PRDM16: variants seen among roughly 807,000 people sequenced by gnomAD.
PRDM16 encodes PR/SET domain 16.
Under a neutral mutation model 110.6 loss-of-function variants are expected in PRDM16, and 23 were observed. The observed-to-expected ratio is 0.21, with a 90% confidence interval of 0.15 to 0.29. The LOEUF (loss-of-function observed/expected upper bound fraction) is 0.29. Ranked by LOEUF, PRDM16 falls within the 10% of genes least tolerant of loss-of-function variation. PRDM16 has a pLI of 1.00. For synonymous variants in PRDM16, 799 were observed against 781.8 expected (o/e 1.02, Z -0.37); for missense variants, 1,615 against 1,794.3 (o/e 0.90, Z 1.81).
At chr1:3,357,569 G>C (rs1017321772) in intron 3 of PRDM16, among the ~76,000 whole-genome samples, 17 of 139,404 alleles carry the variant, frequency 1.2e-4, no homozygotes. Flanking sequence ...CCCCCCACGG[G>C]CCCCCAGCCA....
intron 8 of PRDM16, among the ~76,000 whole-genome samples, chr1:3,408,580 G>A (rs12097446): frequency 0.072 from 10,897 of 151,312 alleles, 467 homozygotes; most frequent in African/African-American, 0.12. Context: ...GTGTGAGAGC[G>A]TGTGAGTGTG....
chr1:3,132,316 C>G (rs192157915), intron 1 of PRDM16, among the ~76,000 whole-genome samples: 28 of 152,270 alleles, frequency 1.8e-4, no homozygotes, highest in Admixed American at 1.2e-3. Flanking sequence ...ATTCTGTGTC[C>G]GGTGAGCAGA....
At chr1:3,395,711 G>C (rs1643375588) in intron 4 of PRDM16, among the ~76,000 whole-genome samples, 3 of 152,022 alleles carry the variant, frequency 2.0e-5, no homozygotes, top group Admixed American at 1.3e-4. Context: ...TCTTCATCTC[G>C]ACCACCACTT....
chr1:3,412,881 C>G lies in PRDM16; in HGVS notation c.2603+81C>G, dbSNP rs1443327649. ...GGGCGGGCTCAGTGCATGGTGGTGT[C>G]TCTTTCAAGCTCCTCCAAGGTCGTC... On this transcript the variant is annotated intron_variant, in intron 9 of 16. Coordinates refer to ENST00000270722, the MANE Select transcript of PRDM16 (RefSeq NM_022114.4). The G allele has an allele frequency of 6.0e-5, 69 of 1,155,796 alleles. 1 individual carries two copies. The South Asian group carries it at 1.1e-3, about 19-fold the overall frequency. 71.6% of individuals were successfully genotyped at this position (1,155,796 alleles called of 1,614,324 possible). A position where few individuals can be genotyped will look rare whatever the true frequency, so the allele number is the denominator to read the frequency against.
At chr1:3,253,159 C>T (rs1038391738) in intron 3 of PRDM16, among the ~76,000 whole-genome samples, 3 of 152,038 alleles carry the variant, frequency 2.0e-5, no homozygotes, top group Non-Finnish European at 4.4e-5. Flanking sequence ...CACCAGGCCA[C>T]GTCGGAAAAT....
intron 10 of PRDM16, among the ~76,000 whole-genome samples, chr1:3,417,361 T>C (rs1638293868): frequency 6.6e-6 from 1 of 152,242 alleles, no homozygotes; most frequent in Non-Finnish European, 1.5e-5. Flanking sequence ...GTTGCTATTG[T>C]AATTTTTCAA....
chr1:3,171,593 G>A (rs1250698993), intron 1 of PRDM16, among the ~76,000 whole-genome samples: 2 of 152,218 alleles, frequency 1.3e-5, no homozygotes, highest in African/African-American at 4.8e-5. Flanking sequence ...ACAGCTGTGT[G>A]TATTGGGGGG....
rs184931615 is a variant in PRDM16, at chr1:3,255,179, C to T, written c.438+11042C>T. Among the ~76,000 whole-genome samples, 14 of 152,044 alleles carry T rather than the reference C, an allele frequency of 9.2e-5. No individual in the cohort carries two copies. Among genetic ancestry groups the T allele is most frequent in the Admixed American group, 8.5e-4 (13 of 15,262 alleles). On this transcript the variant is annotated intron_variant, in intron 3 of 16. Transcript: ENST00000270722. The surrounding 1 kb of genome is among the most constrained non-coding windows in gnomAD (Gnocchi z 4.7). The stretch of plus-strand genomic sequence containing the variant: ...ATTCAAGATGGATTAAAGACTTAAA[C>T]GTTAGACCTAAAACCATAAAAACCC...
At chr1:3,308,911 G>T (rs1037252924) in intron 3 of PRDM16, 1 of 152,206 alleles carries the variant, frequency 6.6e-6, no homozygotes, top group Non-Finnish European at 1.5e-5. Context: ...CCCGGCTATC[G>T]GGGCCCTGGT....
At chr1:3,405,023 G>C in intron 7 of PRDM16, 137 bp downstream of exon 7, 2 of 885,898 alleles carry the variant, frequency 2.3e-6, no homozygotes, top group South Asian at 3.5e-5. Context: ...CCCTGCGGTG[G>C]CTCGGGCCCT....
At chr1:3,087,227 C>T (rs2472823) in intron 1 of PRDM16, among the ~76,000 whole-genome samples, 2 of 143,904 alleles carry the variant, frequency 1.4e-5, no homozygotes, top group African/African-American at 5.4e-5. Context: ...CAGCCCCACC[C>T]GAGACCAGCC....
At chr1:3,207,337 A>T (rs1638777212) in intron 2 of PRDM16, 1 of 152,132 alleles carries the variant, frequency 6.6e-6, no homozygotes. Context: ...AAGTTTTACG[A>T]CCTTGGGAAC....
At chr1:3,310,629 C>G (rs1009979339) in intron 3 of PRDM16, among the ~76,000 whole-genome samples, 10 of 152,208 alleles carry the variant, frequency 6.6e-5, no homozygotes, top group African/African-American at 2.2e-4. Context: ...GCCAAACCAG[C>G]AAGCACGTCT....
At chr1:3,399,397 A>G (rs1342484150) in intron 5 of PRDM16, among the ~76,000 whole-genome samples, 8 of 152,152 alleles carry the variant, frequency 5.3e-5, no homozygotes, top group Admixed American at 5.2e-4. Context: ...GCCATAAACT[A>G]TGCCCCCGTT....
chr1:3,231,854 C>T (rs770554042), intron 2 of PRDM16, among the ~76,000 whole-genome samples: 1 of 152,240 alleles, frequency 6.6e-6, no homozygotes, highest in Non-Finnish European at 1.5e-5. Flanking sequence ...CCACTAACTC[C>T]GCCCCAAGAG....
intron 3 of PRDM16, among the ~76,000 whole-genome samples, chr1:3,362,005 C>T (rs543182949): frequency 3.7e-4 from 56 of 151,480 alleles, no homozygotes; most frequent in African/African-American, 1.4e-3. Flanking sequence ...GACCGTGGCC[C>T]AGGAGGGCAG....
At chr1:3,210,121 C>A (rs1638846305) in intron 2 of PRDM16, among the ~76,000 whole-genome samples, 1 of 152,194 alleles carries the variant, frequency 6.6e-6, no homozygotes, top group Non-Finnish European at 1.5e-5. Flanking sequence ...TGGATAATTG[C>A]AGCAGCGGAA....
intron 1 of PRDM16, among the ~76,000 whole-genome samples, chr1:3,172,837 G>A (rs964331188): frequency 1.3e-5 from 2 of 152,230 alleles, no homozygotes; most frequent in African/African-American, 2.4e-5. Flanking sequence ...CTGGGGAGAT[G>A]CAGGAGTTCT....
chr1:3,123,722 T>C (rs559513778), intron 1 of PRDM16, among the ~76,000 whole-genome samples: 27 of 152,286 alleles, frequency 1.8e-4, no homozygotes, highest in Non-Finnish European at 3.7e-4. Flanking sequence ...CTTTTTCTTC[T>C]CATTTGCCTC....
Sources: gnomAD v4.1 joint callset for allele counts (sites outside exome capture counted in the v4.1 genomes callset) on GRCh38, gnomAD v4.1.1 for gene constraint, Gnocchi (gnomAD v3.1) non-coding constraint, MANE v1.5 for transcripts, NCBI Gene and HGNC (gene_info 2026-07-23, HGNC 2026-07-21) for gene names.